FAM153A: variants seen among roughly 807,000 people sequenced by gnomAD.
FAM153A encodes the protein family with sequence similarity 153 member A, also known as protein FAM153A.
In FAM153A, 12 loss-of-function variants were observed where a neutral mutation model predicts 48.1. The observed-to-expected ratio is 0.25, with a 90% confidence interval of 0.16 to 0.40. FAM153A has a LOEUF of 0.40. Ranked by LOEUF, FAM153A falls within the 10% of genes least tolerant of loss-of-function variation. The pLI, the probability that FAM153A is intolerant of heterozygous loss-of-function variation, is 1.00. For synonymous variants in FAM153A, 36 were observed against 118.2 expected (o/e 0.30, Z 4.51); for missense variants, 111 against 345.8 (o/e 0.32, Z 5.38).
downstream of FAM153A, chr5:177,717,434 C>T (rs1760087934): frequency 6.6e-6 from 1 of 150,462 alleles, no homozygotes; most frequent in Non-Finnish European, 1.5e-5. Context: ...GAAAAATCAC[C>T]ATTGGAACCA....
chr5:177,754,500 GCA>G (rs1767484210), upstream of FAM153A, among the ~76,000 whole-genome samples: 1 of 151,846 alleles, frequency 6.6e-6, no homozygotes, highest in Non-Finnish European at 1.5e-5. Flanking sequence ...GGTTCTCCCG[GCA>G]CACAGTTTGA....
intron 10 of FAM153A, among the ~76,000 whole-genome samples, chr5:177,738,340 G>C (rs1352667114): frequency 6.6e-6 from 1 of 151,386 alleles, no homozygotes; most frequent in African/African-American, 2.5e-5. Context: ...GCAGCCAAAA[G>C]CCTGACCTCG....
exon 27 of FAM153A, chr5:177,712,490 A>G (rs1758639063): frequency 6.6e-6 from 1 of 151,590 alleles, no homozygotes; most frequent in South Asian, 2.1e-4. Flanking sequence ...AAATAAGGCA[A>G]TTTTACAGTA....
upstream of FAM153A, among the ~76,000 whole-genome samples, chr5:177,754,312 C>T (rs916334014): frequency 9.2e-5 from 14 of 151,958 alleles, no homozygotes; most frequent in African/African-American, 3.4e-4. Flanking sequence ...ATTGCCCAGG[C>T]TTGAGTAGGT....
chr5:177,778,848 A>G (rs1237726738), intron 1 of FAM153A, among the ~76,000 whole-genome samples: 2 of 115,584 alleles, frequency 1.7e-5, no homozygotes, highest in East Asian at 5.0e-4. Context: ...GTAACTACAC[A>G]TAGCTACAAT....
chr5:177,710,928 G>A (rs1758374081), downstream of FAM153A: 1 of 151,608 alleles, frequency 6.6e-6, no homozygotes, highest in African/African-American at 2.4e-5. Flanking sequence ...GAAATTACAG[G>A]TGTGAGCCAC....
chr5:177,765,069 G>C (rs1256376895), intron 1 of FAM153A, among the ~76,000 whole-genome samples: 1 of 112,698 alleles, frequency 8.9e-6, no homozygotes, highest in Non-Finnish European at 1.8e-5. Flanking sequence ...TGGACACCTG[G>C]GCTGGGCCCA....
intron 1 of FAM153A, among the ~76,000 whole-genome samples, chr5:177,752,542 A>C (rs1162966452): frequency 3.0e-5 from 4 of 131,998 alleles, no homozygotes; most frequent in African/African-American, 1.2e-4. Flanking sequence ...AATCGCTTGA[A>C]CCTGGGATGC....
downstream of FAM153A, among the ~76,000 whole-genome samples, chr5:177,704,901 T>C (rs1757742226): frequency 6.6e-6 from 1 of 150,946 alleles, no homozygotes; most frequent in Admixed American, 6.6e-5. Context: ...TTGGGGAGGC[T>C]GAGGCACGAG....
chr5:177,713,403 A>G (rs1582142025), intron 26 of FAM153A, among the ~76,000 whole-genome samples: 3 of 150,424 alleles, frequency 2.0e-5, no homozygotes, highest in Non-Finnish European at 4.4e-5. Flanking sequence ...GGTGCCTGCC[A>G]CCATGCCCAG....
chr5:177,747,739 T>G, intron 4 of FAM153A, 30 bp downstream of exon 6: 1 of 553,602 alleles, frequency 1.8e-6, no homozygotes, highest in South Asian at 1.9e-5. Context: ...GAATTTTTCC[T>G]CAGCATAGGG....
At chr5:177,696,152 C>T in the FAM153A span, among the ~76,000 whole-genome samples, 196 of 120,296 alleles carry the variant, frequency 1.6e-3, 6 homozygotes, top group African/African-American at 6.3e-3. Context: ...GACGGGGTGG[C>T]GGCTGGGCAG....
At chr5:177,717,317 CTG>C (rs57101969), downstream of FAM153A, 10 of 142,524 alleles carry the variant, frequency 7.0e-5, no homozygotes, top group Non-Finnish European at 1.4e-4. Context: ...AATAACTTAG[CTG>C]TATTAATCAT....
the FAM153A span, among the ~76,000 whole-genome samples, chr5:177,702,441 G>A: frequency 6.6e-6 from 1 of 151,904 alleles, no homozygotes; most frequent in South Asian, 2.1e-4. Flanking sequence ...TAAAGGGGAA[G>A]CAGAGTGTAA....
rs2127720404 is a variant in FAM153A, at chr5:177,772,295, C to T, written c.-57+8154G>A. 2.2e-5 allele frequency among the ~76,000 whole-genome samples: 2 copies of T among 90,168 alleles called. 1 individual carries two copies. The highest frequency in any genetic ancestry group is 2.3e-4 in the Admixed American group (2 of 8,716). The allele number at this position is 90,168 out of a possible 152,430, so 59.2% of individuals were successfully genotyped here. A position where few individuals can be genotyped will look rare whatever the true frequency, so the allele number is the denominator to read the frequency against. ...TAGGAACAGCTCCGGTCTACAGCTCCCAGCGTGAGCGACGCAGAAGACGGG... is the reference window on the plus strand; with the variant it reads ...TAGGAACAGCTCCGGTCTACAGCTCTCAGCGTGAGCGACGCAGAAGACGGG... On this transcript the variant is annotated intron_variant, in intron 1 of 8. Coordinates refer to the FAM153A transcript ENST00000393518.
the FAM153A span, among the ~76,000 whole-genome samples, chr5:177,702,980 G>A: frequency 6.6e-6 from 1 of 152,042 alleles, no homozygotes; most frequent in Non-Finnish European, 1.5e-5. Flanking sequence ...CCAGGGCAGT[G>A]AGGAGGGGAA....
chr5:177,707,728 T>G (rs1757992487), downstream of FAM153A, among the ~76,000 whole-genome samples: 1 of 151,702 alleles, frequency 6.6e-6, no homozygotes, highest in Admixed American at 6.6e-5. Flanking sequence ...CCCAGCTAAT[T>G]TGCTGTATTT....
intron 18 of FAM153A, among the ~76,000 whole-genome samples, chr5:177,728,409 C>T (rs1012890100): frequency 6.7e-6 from 1 of 149,324 alleles, no homozygotes; most frequent in African/African-American, 2.5e-5. Flanking sequence ...CACACACACT[C>T]ACAAAGACAT....
downstream of FAM153A, among the ~76,000 whole-genome samples, chr5:177,718,979 C>T (rs1445865850): frequency 6.6e-6 from 1 of 151,454 alleles, no homozygotes; most frequent in East Asian, 1.9e-4. Context: ...CTCCCAGATT[C>T]AAGCCATCCT....
Sources: gnomAD v4.1 joint callset for allele counts (sites outside exome capture counted in the v4.1 genomes callset) on GRCh38, gnomAD v4.1.1 for gene constraint, MANE v1.5 for transcripts, NCBI Gene and HGNC (gene_info 2026-07-23, HGNC 2026-07-21) for gene names.